Variants in NBPF8 observed in about 807,000 individuals in gnomAD.
NBPF8 encodes the protein NBPF member 8.
chr1:120,416,200 C>A (rs1398629029), upstream of NBPF8, among the ~76,000 whole-genome samples: 1 of 148,252 alleles, frequency 6.7e-6, no homozygotes, highest in Admixed American at 6.7e-5. Flanking sequence ...ACCAGTGAAC[C>A]AGAAGCTCTT....
At chr1:120,460,274 G>T (rs1661542538) in intron 17 of NBPF8, among the ~76,000 whole-genome samples, 1 of 152,126 alleles carries the variant, frequency 6.6e-6, no homozygotes, top group East Asian at 1.9e-4. Flanking sequence ...TGAGGTGTTA[G>T]AACTATTTGC....
chr1:120,464,823 G>C (rs1342742059), intron 23 of NBPF8, among the ~76,000 whole-genome samples: 15 of 142,264 alleles, frequency 1.1e-4, no homozygotes, highest in Non-Finnish European at 1.7e-4. Flanking sequence ...GACAAATTCA[G>C]AGAACTATGA....
intron 1 of NBPF8, among the ~76,000 whole-genome samples, chr1:120,420,670 G>T (rs1385508356): frequency 6.9e-6 from 1 of 145,594 alleles, no homozygotes; most frequent in Non-Finnish European, 1.5e-5. Flanking sequence ...TTTGAAGGCC[G>T]TTCCCATCTC....
intron 5 of NBPF8, among the ~76,000 whole-genome samples, chr1:120,441,739 GGCAGGCATGGTGCT>G (rs1463637486): frequency 8.7e-5 from 1 of 11,492 alleles, no homozygotes; most frequent in Admixed American, 7.1e-4. Flanking sequence ...CAAAAAATTA[GGCAGGCATGGTGCT>G]GCATGCCTAT....
At chr1:120,433,857 A>G (rs1660981955), upstream of NBPF8, 2 of 173,796 alleles carry the variant, frequency 1.2e-5, no homozygotes, top group African/African-American at 4.8e-5. Context: ...GTCCAGGACC[A>G]CAGTATATTT....
chr1:120,423,060 C>T (rs1660617174), intron 1 of NBPF8, among the ~76,000 whole-genome samples: 3 of 122,796 alleles, frequency 2.4e-5, no homozygotes, highest in South Asian at 4.8e-4. Context: ...AATATTTTCT[C>T]CCAGTCTGTG....
intron 11 of NBPF8, among the ~76,000 whole-genome samples, chr1:120,449,710 C>T (rs1423818799): frequency 6.6e-6 from 1 of 152,100 alleles, no homozygotes; most frequent in Non-Finnish European, 1.5e-5. Flanking sequence ...ATCCTCTCTA[C>T]CATATAAGAT....
exon 23 of NBPF8, chr1:120,464,490 TG>T: frequency 1.7e-6 from 2 of 1,148,112 alleles, no homozygotes; most frequent in Non-Finnish European, 2.6e-6. Flanking sequence ...GCCAGCCGTA[TG>T]GAAGTTCCTT....
At chr1:120,436,741 C>A (rs1661095448) in intron 1 of NBPF8, 44 bp downstream of exon 4, 3 of 928,894 alleles carry the variant, frequency 3.2e-6, no homozygotes, top group South Asian at 2.7e-5. Context: ...TGAATGATGT[C>A]CTGTCTTCTC....
At chr1:120,461,016 C>CTG (rs202089337) in intron 18 of NBPF8, among the ~76,000 whole-genome samples, 24,280 of 130,980 alleles carry the variant, frequency 0.19, 2,425 homozygotes, top group Non-Finnish European at 0.23. Flanking sequence ...TGAGCTCGAA[C>CTG]TGTGTGTGTG....
chr1:120,463,016 A>G, intron 21 of NBPF8, 50 bp downstream of exon 19: 2 of 604,320 alleles, frequency 3.3e-6, no homozygotes, highest in East Asian at 5.6e-5. Flanking sequence ...TCTTCCAGAT[A>G]GGGGTGATAT....
At chr1:120,416,742 T>C (rs1425408100), upstream of NBPF8, among the ~76,000 whole-genome samples, 1 of 151,728 alleles carries the variant, frequency 6.6e-6, no homozygotes. Context: ...GGTATATGAA[T>C]GATAAAACTT....
At chr1:120,460,052 G>T in intron 17 of NBPF8, among the ~76,000 whole-genome samples, 1 of 152,026 alleles carries the variant, frequency 6.6e-6, no homozygotes, top group Admixed American at 6.6e-5. Flanking sequence ...TCATCTGTCC[G>T]TCATGTTCCT....
intron 13 of NBPF8, among the ~76,000 whole-genome samples, chr1:120,452,795 A>C (rs1661320729): frequency 6.6e-6 from 1 of 152,202 alleles, no homozygotes; most frequent in Non-Finnish European, 1.5e-5. Flanking sequence ...GGGAACACTT[A>C]CAACTGCTTT....
At chr1:120,453,310 G>T in intron 13 of NBPF8, 62 bp from the exon 12 acceptor site, 1 of 614,924 alleles carries the variant, frequency 1.6e-6, no homozygotes, top group Non-Finnish European at 2.9e-6. Flanking sequence ...TGCACATTGG[G>T]CTGACTGTGC....
intron 12 of NBPF8, among the ~76,000 whole-genome samples, 172 bp from the exon 11 acceptor site, chr1:120,451,945 C>T (rs1218836108): frequency 6.6e-6 from 1 of 151,950 alleles, no homozygotes; most frequent in Non-Finnish European, 1.5e-5. Flanking sequence ...CAGAGGAAGC[C>T]TGTAAACCAT....
At chr1:120,416,663 C>T (rs1423280311), upstream of NBPF8, among the ~76,000 whole-genome samples, 2 of 140,244 alleles carry the variant, frequency 1.4e-5, no homozygotes, top group African/African-American at 5.4e-5. Flanking sequence ...AAGTGAACCA[C>T]CACAGATCAA....
chr1:120,448,854 CA>C (rs199628491), intron 10 of NBPF8, among the ~76,000 whole-genome samples: 4 of 678 alleles, frequency 5.9e-3, no homozygotes, highest in African/African-American at 0.017. Context: ...AACAAAAAAC[CA>C]AAAAAGAAAA....
intron 20 of NBPF8, among the ~76,000 whole-genome samples, chr1:120,462,516 T>C (rs1329628226): frequency 8.6e-6 from 1 of 116,224 alleles, no homozygotes; most frequent in East Asian, 3.0e-4. Flanking sequence ...GGGCACTAAC[T>C]CAGAGTGTCC....
Sources: allele counts gnomAD v4.1 joint callset (sites outside exome capture counted in the v4.1 genomes callset), GRCh38; gene constraint gnomAD v4.1.1; transcripts MANE v1.5; gene names NCBI Gene and HGNC (gene_info 2026-07-23, HGNC 2026-07-21).